POTEC: variants seen among roughly 807,000 people sequenced by gnomAD.
POTEC encodes the protein POTE ankyrin domain family member C.
Under a neutral mutation model 62.0 loss-of-function variants are expected in POTEC, and 35 were observed. The observed-to-expected ratio is 0.56, with a 90% confidence interval of 0.43 to 0.75. POTEC has a LOEUF of 0.75. Among genes scored for constraint, POTEC ranks in the 30% least tolerant of loss-of-function variants. The pLI, the probability that POTEC is intolerant of heterozygous loss-of-function variation, is 0.00. For missense variants in POTEC, 472 were observed against 655.9 expected (o/e 0.72, Z 3.06); for synonymous variants, 156 against 221.5 (o/e 0.70, Z 2.62).
chr18:14,519,569 C>A (rs904572776), intron 9 of POTEC, among the ~76,000 whole-genome samples: 2 of 151,932 alleles, frequency 1.3e-5, no homozygotes, highest in Non-Finnish European at 2.9e-5. Context: ...ATACAAAAAT[C>A]AGCTGAGCAT....
Position 14,537,172 on chromosome 18 carries a change from AACACACACACAC to A in POTEC, c.810+617_810+628del, listed in dbSNP as rs1158054861. Among the ~76,000 whole-genome samples the A allele has an allele frequency of 9.3e-5, 6 of 64,762 alleles. No individual in the cohort carries two copies. The East Asian group carries it at 1.4e-3, about 15-fold the overall frequency. 42.5% of individuals were successfully genotyped at this position (64,762 alleles called of 152,430 possible). On this transcript the variant is annotated intron_variant, in intron 3 of 10. Transcript: ENST00000358970. ...AAGGAAACGAATGAACAACAATAAC[AACACACACACAC>A]ACACACACACACACACACACACACA...
At chr18:14,538,056 T>G in intron 2 of POTEC, 79 bp downstream of exon 2, 1 of 1,554,280 alleles carries the variant, frequency 6.4e-7, no homozygotes, top group Non-Finnish European at 8.6e-7. Flanking sequence ...ACTAGTTATA[T>G]TTAAATGAGA....
chr18:14,537,875 C>A lies in POTEC; in HGVS notation c.736G>T (p.Ala246Ser). Residue 246 changes from alanine (A) to serine (S), a missense_variant, in exon 3 of 11, where the codon GCT (alanine) becomes TCT (serine). By Grantham distance (99) the Ala-to-Ser change is moderately conservative. This residue lies in a region of POTEC where 52 missense variants were observed against 54.2 expected (regional missense o/e 0.96). Coordinates refer to ENST00000358970, the MANE Select transcript of POTEC (RefSeq NM_001137671.2). ...ATTAATTTATCTTCATTGTGGACAGCATAGTGTAGAGTGGTATTTCCATAC... is the reference window on the plus strand; with the variant it reads ...ATTAATTTATCTTCATTGTGGACAGAATAGTGTAGAGTGGTATTTCCATAC... ...DEYGNTTLHY[A>S]VHNEDKLMAK... 2 of 1,612,282 alleles carry A rather than the reference C, an allele frequency of 1.2e-6. No individual in the cohort carries two copies. Among genetic ancestry groups the A allele is most frequent in the Non-Finnish European group, 1.7e-6 (2 of 1,179,770 alleles).
chr18:14,530,226 G>C (rs2143145985), intron 6 of POTEC, among the ~76,000 whole-genome samples: 1 of 151,996 alleles, frequency 6.6e-6, no homozygotes, highest in South Asian at 2.1e-4. Flanking sequence ...CCCCAGATGA[G>C]ACCATCTAGT....
intron 9 of POTEC, among the ~76,000 whole-genome samples, chr18:14,516,296 TTTTATA>T (rs1353122848): frequency 1.8e-4 from 3 of 16,448 alleles, no homozygotes; most frequent in Admixed American, 1.2e-3. Context: ...ATAAAGAAAA[TTTTATA>T]TATATATATA....
In POTEC at chr18:14,533,661, T is replaced by C. The variant is rs558904653; in HGVS notation, c.918-463A>G. ...TAGTCACAGGAGTTTCAGTTAATGA[T>C]GCCAATAAGCATGTGCTACACACTG... On this transcript the variant is annotated intron_variant, in intron 4 of 10. Transcript: ENST00000358970. 4.6e-5 allele frequency among the ~76,000 whole-genome samples: 7 copies of C among 152,338 alleles called. No homozygotes were observed. The South Asian group carries it at 1.2e-3, about 27-fold the overall frequency.
In POTEC at chr18:14,507,909, C is replaced by T. The variant is rs1002504488; in HGVS notation, c.*3989G>A. On this transcript the variant is annotated 3_prime_UTR_variant, in exon 11 of 11. Transcript: ENST00000358970. ...TTGAAATGTTGAATGTCTTTTCTGG[C>T]TTGTACAGTTTCAGTTGAGAGGTCT... is the stretch of plus-strand genomic sequence containing the variant. The T allele has an allele frequency of 1.3e-5, 2 of 152,148 alleles. No individual in the cohort carries two copies. The highest frequency in any genetic ancestry group is 4.8e-5 in the African/African-American group (2 of 41,414). The allele number at this position is 152,148 out of a possible 1,614,324, so 9.4% of individuals were successfully genotyped here.
At chr18:14,524,678 T>C (rs1377030118) in intron 7 of POTEC, among the ~76,000 whole-genome samples, 1 of 152,024 alleles carries the variant, frequency 6.6e-6, no homozygotes, top group Admixed American at 6.6e-5. Context: ...TTTATAGTGG[T>C]TATGTTTTTA....
chr18:14,512,373 C>T lies in POTEC; in HGVS notation c.1534-380G>A, dbSNP rs116353965. ...CACCATCATAAGAGCCTTAGCTATG[C>T]GTATATTAGGACAGAAGCAATTCCT... On this transcript the variant is annotated intron_variant, in intron 10 of 10. Coordinates refer to ENST00000358970, the MANE Select transcript of POTEC (RefSeq NM_001137671.2). 2.6e-5 allele frequency among the ~76,000 whole-genome samples: 4 copies of T among 152,328 alleles called. No homozygotes were observed. The South Asian group carries it at 6.2e-4, about 24-fold the overall frequency.
chr18:14,526,466 C>T (rs1910440218), intron 6 of POTEC, among the ~76,000 whole-genome samples: 1 of 152,102 alleles, frequency 6.6e-6, no homozygotes, highest in African/African-American at 2.4e-5. Context: ...TACATACATG[C>T]TAGGTGTTAG....
chr18:14,513,727 G>A lies in POTEC; in HGVS notation c.1468C>T (p.Gln490Ter). ...TGTTTATTAGTCAGAATCTCATCTT[G>A]TGATATTCCAGTGTTCTGTTCTTCA... ...LSEEQNTGIS[Q>*]DEILTNKQKQ... The change falls in exon 10 of 11, where the codon CAA (glutamine) becomes TAA (stop). Residue 490 changes from glutamine to a stop codon, truncating the protein, a stop_gained. Transcript: ENST00000358970. LOFTEE classifies it high-confidence loss of function. 2 of 1,611,538 alleles carry A rather than the reference G, an allele frequency of 1.2e-6. No individual in the cohort carries two copies. Among genetic ancestry groups the A allele is most frequent in the Non-Finnish European group, 1.7e-6 (2 of 1,179,758 alleles).
At chr18:14,515,718 A>C (rs992387721) in intron 9 of POTEC, among the ~76,000 whole-genome samples, 3 of 151,972 alleles carry the variant, frequency 2.0e-5, no homozygotes, top group East Asian at 1.9e-4. Flanking sequence ...CAAAAGAAAT[A>C]ATCATCAAAG....
At chr18:14,541,501 C>A (rs143609567) in intron 1 of POTEC, among the ~76,000 whole-genome samples, 14,058 of 152,070 alleles carry the variant, frequency 0.092, 718 homozygotes, top group Non-Finnish European at 0.11. Context: ...AGTAGCCAGG[C>A]ATGGTGGTGG....
At position 14,508,900 on chromosome 18, in the gene POTEC, G is replaced by C. The variant is rs1230513191; in HGVS notation, c.*2998C>G. 1 of 152,212 alleles carries C rather than the reference G, an allele frequency of 6.6e-6. No individual in the cohort carries two copies. The highest frequency in any genetic ancestry group is 1.5e-5 in the Non-Finnish European group (1 of 68,030). The allele number at this position is 152,212 out of a possible 1,614,324, so 9.4% of individuals were successfully genotyped here. A position where few individuals can be genotyped will look rare whatever the true frequency, so the allele number is the denominator to read the frequency against. On this transcript the variant is annotated 3_prime_UTR_variant, in exon 11 of 11. Transcript: ENST00000358970. ...TTGAGGTTGCTGACCTTTGGACAGG[G>C]TATTTTTCCTTTATTATATCTGATG...
intron 9 of POTEC, among the ~76,000 whole-genome samples, chr18:14,515,909 C>G (rs183756178): frequency 2.3e-3 from 347 of 151,746 alleles, no homozygotes; most frequent in Middle Eastern, 3.4e-3. Flanking sequence ...AAATGGTGAA[C>G]AAGAATATAA....
chr18:14,521,246 T>C (rs1190457331), intron 9 of POTEC, among the ~76,000 whole-genome samples: 2 of 152,202 alleles, frequency 1.3e-5, no homozygotes, highest in African/African-American at 4.8e-5. Context: ...AGGTACAGTG[T>C]CCATGTAGCG....
intron 7 of POTEC, 35 bp from the exon 8 acceptor site, chr18:14,523,542 T>C (rs559406138): frequency 1.3e-6 from 2 of 1,591,146 alleles, no homozygotes; most frequent in South Asian, 2.2e-5. Context: ...AATTTGCTTG[T>C]TGTATTTCCA....
At chr18:14,528,079 T>C (rs1296416526) in intron 6 of POTEC, 1 of 152,188 alleles carries the variant, frequency 6.6e-6, no homozygotes, top group East Asian at 1.9e-4. Context: ...TCATGGTGGC[T>C]TTCACACTAC....
intron 5 of POTEC, chr18:14,531,667 G>T (rs1476827469): frequency 1.3e-5 from 2 of 151,804 alleles, no homozygotes; most frequent in African/African-American, 4.8e-5. Context: ...TGATCTTCCA[G>T]TGACTGCACA....
Sources: allele counts gnomAD v4.1 joint callset (sites outside exome capture counted in the v4.1 genomes callset), GRCh38; gene constraint gnomAD v4.1.1; regional missense constraint gnomAD v4.1.1; transcripts MANE v1.5; gene names NCBI Gene and HGNC (gene_info 2026-07-23, HGNC 2026-07-21).